TIMD4: variants seen among roughly 807,000 people sequenced by gnomAD.
The protein encoded by TIMD4 is T cell immunoglobulin and mucin domain containing 4.
Under a neutral mutation model 41.2 loss-of-function variants are expected in TIMD4, and 31 were observed. That is an observed-to-expected ratio of 0.75 (90% CI 0.57 to 1.01). TIMD4 has a LOEUF of 1.01. Among genes scored for constraint, TIMD4 ranks in the 50% least tolerant of loss-of-function variants. TIMD4 has a pLI of 0.00. For missense variants in TIMD4, 479 were observed against 472.5 expected, an observed-to-expected ratio of 1.01 and a Z score of -0.13; for synonymous variants, 204 against 177.1, an observed-to-expected ratio of 1.15 and a Z score of -1.21.
chr5:156,940,791 C>A (rs1257192453), intron 5 of TIMD4, among the ~76,000 whole-genome samples: 2 of 151,958 alleles, frequency 1.3e-5, no homozygotes, highest in Admixed American at 1.3e-4. Context: ...CACCCCCGCC[C>A]GGCAGCCGCC....
intron 3 of TIMD4, among the ~76,000 whole-genome samples, chr5:156,951,147 T>A (rs1232201204): frequency 6.6e-6 from 1 of 152,000 alleles, no homozygotes; most frequent in East Asian, 1.9e-4. Flanking sequence ...AAGAGATAGT[T>A]AAGGTAAAAT....
intron 5 of TIMD4, among the ~76,000 whole-genome samples, chr5:156,932,286 A>G (rs1048894358): frequency 2.0e-5 from 3 of 152,204 alleles, no homozygotes; most frequent in African/African-American, 7.2e-5. Flanking sequence ...TGGAAACTCC[A>G]CGATGCTTGA....
intron 2 of TIMD4, among the ~76,000 whole-genome samples, chr5:156,952,843 T>C (rs1759887851): frequency 6.6e-6 from 1 of 152,254 alleles, no homozygotes; most frequent in Non-Finnish European, 1.5e-5. Flanking sequence ...GTCTTGCATA[T>C]AGTAGGTGCT....
chr5:156,919,480 C>T lies in TIMD4; in HGVS notation c.1114G>A (p.Glu372Lys), dbSNP rs780974467. The T allele has an allele frequency of 3.7e-6, 6 of 1,613,954 alleles. No individual in the cohort carries two copies. The highest frequency in any genetic ancestry group is 1.3e-5 in the African/African-American group (1 of 74,924). Residue 372 changes from glutamate (E) to lysine (K), a missense_variant, in exon 9 of 9, where the codon GAA becomes AAA. By Grantham distance (56) the Glu-to-Lys change is moderately conservative (BLOSUM62 1). Coordinates refer to ENST00000274532, the MANE Select transcript of TIMD4 (RefSeq NM_138379.3). The part of the protein sequence containing the change: ...LNDVQHGRED[E>K]DGLFTL ...TGTTAGAGGGTAAAAAGGCCGTCTT[C>T]GTCTTCCCTTCCATGCTGCACGTCA... is the stretch of plus-strand genomic sequence containing the variant.
At chr5:156,923,197 G>A (rs935052329) in intron 6 of TIMD4, among the ~76,000 whole-genome samples, 3 of 146,314 alleles carry the variant, frequency 2.1e-5, no homozygotes, top group African/African-American at 7.6e-5. Flanking sequence ...CAGCCAGGCT[G>A]GAGTGCAGTG....
intron 2 of TIMD4, among the ~76,000 whole-genome samples, chr5:156,953,532 G>C (rs1012914710): frequency 6.6e-6 from 1 of 151,260 alleles, no homozygotes; most frequent in Non-Finnish European, 1.5e-5. Context: ...CCAGGCACCT[G>C]TAATCCCAGC....
chr5:156,939,829 A>T (rs1759606904), intron 5 of TIMD4, among the ~76,000 whole-genome samples: 1 of 152,152 alleles, frequency 6.6e-6, no homozygotes, highest in Non-Finnish European at 1.5e-5. Flanking sequence ...CTCATGCTTC[A>T]CCTGAAGTAT....
chr5:156,927,297 A>G (rs553295922), intron 5 of TIMD4, among the ~76,000 whole-genome samples: 24 of 152,382 alleles, frequency 1.6e-4, no homozygotes, highest in African/African-American at 5.8e-4. Flanking sequence ...AAGGTCGTGT[A>G]AGAATTAGCC....
Position 156,933,460 on chromosome 5 carries a change from C to A in TIMD4, c.845-7148G>T, listed in dbSNP as rs1163133194. Among the ~76,000 whole-genome samples, 5 of 150,214 alleles carry A rather than the reference C, an allele frequency of 3.3e-5. No individual in the cohort carries two copies. In the East Asian group the frequency reaches 9.8e-4, roughly 30 times the overall value. ...CAGAGTGAGATCTCGCCCCCCAACC[C>A]CCCCCCAAAAAAAGCTGAAAAGTGA... On this transcript the variant is annotated intron_variant, in intron 5 of 8. Coordinates refer to ENST00000274532, the MANE Select transcript of TIMD4 (RefSeq NM_138379.3).
chr5:156,954,635 G>C lies in TIMD4; in HGVS notation c.180C>G (p.Pro60=). The stretch of plus-strand genomic sequence containing the variant: ...TGAGCGCCTCCTTGCAACCGGAGTA[G>C]GGGCACTGGTCTTTCCCCCAGCACA... The part of the protein sequence containing the change: ...NSMCWGKDQC[P]YSGCKEALIR... Residue 60 remains proline (P), a synonymous_variant, in exon 2 of 9, where the codon CCC becomes CCG. Coordinates refer to ENST00000274532, the MANE Select transcript of TIMD4 (RefSeq NM_138379.3). The C allele has an allele frequency of 1.2e-6, 2 of 1,614,220 alleles. No homozygotes were observed. The highest frequency in any genetic ancestry group is 1.3e-5 in the African/African-American group (1 of 75,056).
In TIMD4 at chr5:156,936,243, A is replaced by G. The variant is rs926953896; in HGVS notation, c.845-9931T>C. ...TGCAGAACGAGACCCCATCTCAAAAACAGAAATAAATAAATTAACTAATCT... is the reference window on the plus strand; with the variant it reads ...TGCAGAACGAGACCCCATCTCAAAAGCAGAAATAAATAAATTAACTAATCT... On this transcript the variant is annotated intron_variant, in intron 5 of 8. Transcript: ENST00000274532. 2.0e-5 allele frequency among the ~76,000 whole-genome samples: 3 copies of G among 152,274 alleles called. No individual in the cohort carries two copies. In the South Asian group the frequency reaches 6.2e-4, roughly 32 times the overall value.
In TIMD4 at chr5:156,942,766, C is replaced by T. The variant is rs898956003; in HGVS notation, c.844+5650G>A. 5.3e-4 allele frequency among the ~76,000 whole-genome samples: 81 copies of T among 152,126 alleles called. 5 individuals carry two copies. The highest frequency in any genetic ancestry group is 4.4e-5 in the Non-Finnish European group (3 of 68,032). ...GAAGCATTAGAATGGCAAACTGGAC[C>T]ACAGCTCTTTTTCAGCTGTAACTTG... On this transcript the variant is annotated intron_variant, in intron 5 of 8. Coordinates refer to ENST00000274532, the MANE Select transcript of TIMD4 (RefSeq NM_138379.3).
At chr5:156,951,862 G>A (rs977165550) in intron 2 of TIMD4, 72 bp from the exon 3 acceptor site, 50 of 1,584,590 alleles carry the variant, frequency 3.2e-5, no homozygotes, top group Non-Finnish European at 4.0e-5. Flanking sequence ...AAGTATATCT[G>A]GGACCCATCC....
In TIMD4 at chr5:156,951,618, G is replaced by A. The variant is rs776135640; in HGVS notation, c.573C>T (p.Phe191=). 4 of 1,614,184 alleles carry A rather than the reference G, an allele frequency of 2.5e-6. No individual in the cohort carries two copies. Among genetic ancestry groups the A allele is most frequent in the South Asian group, 1.1e-5 (1 of 91,080 alleles). Residue 191 remains phenylalanine (F), a synonymous_variant, in exon 3 of 9, where the codon TTC becomes TTT. Coordinates refer to ENST00000274532, the MANE Select transcript of TIMD4 (RefSeq NM_138379.3). The stretch of plus-strand genomic sequence containing the variant: ...GTGAAAGGCACGTGTTTGCTGTTGT[G>A]AAGACGGCAATGGTTGTCATCTGGA... ...TPLQMTTIAV[F]TTANTCLSLT... is the part of the protein sequence containing the mutation.
chr5:156,939,489 C>G (rs1759600695), intron 5 of TIMD4, among the ~76,000 whole-genome samples: 2 of 152,150 alleles, frequency 1.3e-5, no homozygotes, highest in African/African-American at 2.4e-5. Context: ...TAATGTGAAT[C>G]AGTGTAGTAA....
intron 5 of TIMD4, among the ~76,000 whole-genome samples, chr5:156,945,043 G>A (rs763535620): frequency 6.6e-6 from 1 of 152,210 alleles, no homozygotes; most frequent in Non-Finnish European, 1.5e-5. Flanking sequence ...AAAAAATGGA[G>A]AGGGAATTGT....
chr5:156,941,390 A>T (rs909489712), intron 5 of TIMD4, among the ~76,000 whole-genome samples: 1 of 152,224 alleles, frequency 6.6e-6, no homozygotes, highest in African/African-American at 2.4e-5. Context: ...TCGATCATAC[A>T]AGCCCCTTAA....
At chr5:156,919,972 G>C (rs1250219024) in intron 8 of TIMD4, among the ~76,000 whole-genome samples, 1 of 152,064 alleles carries the variant, frequency 6.6e-6, no homozygotes, top group African/African-American at 2.4e-5. Flanking sequence ...ATAGAATAGG[G>C]CAAATAGCTA....
intron 3 of TIMD4, among the ~76,000 whole-genome samples, chr5:156,950,188 C>T (rs1027395206): frequency 4.6e-5 from 7 of 152,086 alleles, no homozygotes; most frequent in Non-Finnish European, 8.8e-5. Context: ...CTGGAACTGA[C>T]TTCTTGGGCT....
Sources: allele counts gnomAD v4.1 joint callset (sites outside exome capture counted in the v4.1 genomes callset), GRCh38; gene constraint gnomAD v4.1.1; transcripts MANE v1.5; gene names NCBI Gene and HGNC (gene_info 2026-07-23, HGNC 2026-07-21).